Variants in GNA12 observed in about 807,000 individuals in gnomAD.
GNA12 encodes guanine nucleotide-binding protein subunit alpha-12.
A neutral mutation model predicts 26.0 loss-of-function variants in GNA12; 9 were observed. That is an observed-to-expected ratio of 0.35 (90% CI 0.21 to 0.60). The LOEUF is 0.60. Ranked by LOEUF, GNA12 falls within the 20% of genes least tolerant of loss-of-function variation. The pLI, the probability that GNA12 is intolerant of heterozygous loss-of-function variation, is 0.78. For missense variants in GNA12, 405 were observed against 525.8 expected (o/e 0.77, Z 2.25); for synonymous variants, 264 against 219.6 (o/e 1.20, Z -1.79).
At position 2,795,111 on chromosome 7, in the gene GNA12, C is replaced by T; in HGVS notation, c.342G>A (p.Lys114=). ...CAGAATACTGCCAAGGAATGCCAAGCTTATCTCGTGCATCAACAAGAACCC... is the reference window on the plus strand; with the variant it reads ...CAGAATACTGCCAAGGAATGCCAAGTTTATCTCGTGCATCAACAAGAACCC... ...GSRVLVDARD[K]LGIPWQYSEN... Residue 114 remains lysine (K), a synonymous_variant, in exon 2 of 4, where the codon AAG becomes AAA. Coordinates refer to ENST00000275364, the MANE Select transcript of GNA12 (RefSeq NM_007353.3). 4.3e-6 allele frequency: 7 copies of T among 1,613,588 alleles called. No homozygotes were observed. The highest frequency in any genetic ancestry group is 5.9e-6 in the Non-Finnish European group (7 of 1,179,588).
intron 2 of GNA12, among the ~76,000 whole-genome samples, chr7:2,752,813 T>C (rs1439084608): frequency 6.6e-6 from 1 of 152,192 alleles, no homozygotes; most frequent in African/African-American, 2.4e-5. Context: ...GGACCTGCCA[T>C]GCATTTTCCC....
At chr7:2,737,625 T>G (rs940880706) in intron 2 of GNA12, among the ~76,000 whole-genome samples, 2 of 152,148 alleles carry the variant, frequency 1.3e-5, no homozygotes, top group Non-Finnish European at 2.9e-5. Flanking sequence ...AGGTTAACTC[T>G]AAAATCCTAA....
At chr7:2,765,649 G>C (rs1278550545) in intron 2 of GNA12, among the ~76,000 whole-genome samples, 1 of 149,976 alleles carries the variant, frequency 6.7e-6, no homozygotes, top group East Asian at 2.0e-4. Context: ...TTTTGCTTTT[G>C]AGACAGAGTC....
chr7:2,814,659 T>C (rs1037447511), intron 1 of GNA12, among the ~76,000 whole-genome samples: 5 of 144,690 alleles, frequency 3.5e-5, no homozygotes, highest in South Asian at 2.2e-4. Flanking sequence ...TTTCGTGGCA[T>C]AGAATCTCAG....
intron 1 of GNA12, among the ~76,000 whole-genome samples, chr7:2,796,792 T>G (rs1228841730): frequency 1.3e-5 from 2 of 152,192 alleles, no homozygotes; most frequent in African/African-American, 4.8e-5. Flanking sequence ...ATAACTAACA[T>G]AGTATTAGGG....
chr7:2,761,599 A>T (rs147079409), intron 2 of GNA12, among the ~76,000 whole-genome samples: 4 of 152,200 alleles, frequency 2.6e-5, no homozygotes, highest in African/African-American at 9.7e-5. Context: ...AACAGTTCTC[A>T]CTTTACACAG....
intron 1 of GNA12, among the ~76,000 whole-genome samples, chr7:2,813,461 G>T (rs575376742): frequency 2.6e-5 from 4 of 152,274 alleles, no homozygotes; most frequent in African/African-American, 7.2e-5. Context: ...TGTAGCTTGC[G>T]TAAGGGGACA....
chr7:2,813,969 G>C (rs1793148349), intron 1 of GNA12, among the ~76,000 whole-genome samples: 1 of 152,186 alleles, frequency 6.6e-6, no homozygotes, highest in Non-Finnish European at 1.5e-5. Flanking sequence ...GAATAGATCA[G>C]ACGGCAGAGG....
chr7:2,757,854 T>G (rs1047095741), intron 2 of GNA12, among the ~76,000 whole-genome samples: 3 of 152,202 alleles, frequency 2.0e-5, no homozygotes, highest in Non-Finnish European at 2.9e-5. Context: ...CAAACCTGAC[T>G]TTTTAAATGG....
chr7:2,835,305 A>G (rs185599963), intron 1 of GNA12, among the ~76,000 whole-genome samples: 2 of 152,326 alleles, frequency 1.3e-5, no homozygotes, highest in African/African-American at 4.8e-5. Context: ...CACAAACTTT[A>G]AGGACAGCCC....
chr7:2,753,869 T>G (rs545634607), intron 2 of GNA12, among the ~76,000 whole-genome samples: 4 of 152,304 alleles, frequency 2.6e-5, no homozygotes, highest in African/African-American at 9.6e-5. Context: ...TTAGGAACAA[T>G]CTGTTCCTTT....
At chr7:2,744,110 A>G (rs1227010770) in intron 2 of GNA12, among the ~76,000 whole-genome samples, 1 of 152,228 alleles carries the variant, frequency 6.6e-6, no homozygotes, top group East Asian at 1.9e-4. Flanking sequence ...ACAGACAAAC[A>G]AAAAGACAGC....
chr7:2,767,720 A>C (rs1277719206), intron 2 of GNA12, among the ~76,000 whole-genome samples: 1 of 152,248 alleles, frequency 6.6e-6, no homozygotes, highest in African/African-American at 2.4e-5. Flanking sequence ...GAATTCAGAA[A>C]CTTTCAGATT....
At chr7:2,809,425 T>C (rs941064845) in intron 1 of GNA12, among the ~76,000 whole-genome samples, 31 of 152,294 alleles carry the variant, frequency 2.0e-4, no homozygotes, top group Non-Finnish European at 3.2e-4. Flanking sequence ...CAAACATCAT[T>C]AGCGTTTCAA....
At chr7:2,732,922 A>T (rs1789973926) in intron 3 of GNA12, among the ~76,000 whole-genome samples, 2 of 152,262 alleles carry the variant, frequency 1.3e-5, no homozygotes, top group South Asian at 4.1e-4. Context: ...ATCAACATGA[A>T]AACATTAATG....
intron 2 of GNA12, among the ~76,000 whole-genome samples, chr7:2,764,247 T>C (rs1052311107): frequency 2.2e-4 from 33 of 147,834 alleles, no homozygotes; most frequent in Non-Finnish European, 3.4e-4. Flanking sequence ...CTAATTTCTT[T>C]TTTTTTTTTT....
chr7:2,822,221 C>T (rs191043640), intron 1 of GNA12, among the ~76,000 whole-genome samples: 43 of 152,320 alleles, frequency 2.8e-4, no homozygotes, highest in Non-Finnish European at 2.5e-4. Flanking sequence ...TGTTGTTCTT[C>T]GTACGTTTTC....
chr7:2,762,867 C>T (rs1021633102), intron 2 of GNA12: 22 of 1,450,920 alleles, frequency 1.5e-5, no homozygotes, highest in South Asian at 2.9e-5. Context: ...GGGCCAGCTC[C>T]GAGCCCTGCT....
At chr7:2,757,296 G>C (rs935961490) in intron 2 of GNA12, among the ~76,000 whole-genome samples, 2 of 151,578 alleles carry the variant, frequency 1.3e-5, no homozygotes, top group African/African-American at 4.9e-5. Flanking sequence ...CACCATGCCC[G>C]GCTAATTTTT....
Sources: gnomAD v4.1 joint callset for allele counts (sites outside exome capture counted in the v4.1 genomes callset) on GRCh38, gnomAD v4.1.1 for gene constraint, MANE v1.5 for transcripts, NCBI Gene and HGNC (gene_info 2026-07-23, HGNC 2026-07-21) for gene names.